The following TTLL11 variants were observed in gnomAD, a reference collection of about 807,000 sequenced individuals.
The protein encoded by TTLL11 is tubulin polyglutamylase TTLL11.
A neutral mutation model predicts 51.7 loss-of-function variants in TTLL11; 42 were observed. The observed-to-expected ratio is 0.81, with a 90% CI of 0.64 to 1.05. The LOEUF is 1.05. Ranked by LOEUF, TTLL11 falls within the 50% of genes least tolerant of loss-of-function variation. The pLI is 0.00. For missense variants in TTLL11, 799 were observed against 940.4 expected (o/e 0.85, Z 1.97); for synonymous variants, 381 against 383.5 (o/e 0.99, Z 0.08).
chr9:122,057,691 T>C (rs1264073455), intron 1 of TTLL11, among the ~76,000 whole-genome samples: 1 of 152,202 alleles, frequency 6.6e-6, no homozygotes, highest in African/African-American at 2.4e-5. Flanking sequence ...GGAAAGGCCC[T>C]GAGCTTCTCT....
intron 8 of TTLL11, among the ~76,000 whole-genome samples, chr9:121,852,736 G>A (rs1837700576): frequency 1.3e-5 from 2 of 152,184 alleles, no homozygotes; most frequent in African/African-American, 2.4e-5. Flanking sequence ...CTGGGTGAGC[G>A]AGGGGGAGGT....
chr9:121,923,956 T>G (rs10985451), intron 6 of TTLL11, among the ~76,000 whole-genome samples: 126,400 of 152,074 alleles, frequency 0.83, 53,748 homozygotes, highest in Non-Finnish European at 0.93. Context: ...GAATCATGGC[T>G]GCCATATCTT....
At chr9:121,969,189 A>G (rs1842491874) in intron 6 of TTLL11, among the ~76,000 whole-genome samples, 1 of 152,196 alleles carries the variant, frequency 6.6e-6, no homozygotes, top group Non-Finnish European at 1.5e-5. Context: ...TTATTTGAAC[A>G]TCATTATCCC....
chr9:122,078,631 T>C (rs922637411), intron 1 of TTLL11, among the ~76,000 whole-genome samples: 1 of 152,202 alleles, frequency 6.6e-6, no homozygotes, highest in Non-Finnish European at 1.5e-5. Flanking sequence ...ATTATGTACT[T>C]GGCACTTTAC....
intron 8 of TTLL11, among the ~76,000 whole-genome samples, chr9:121,852,487 C>A (rs1011779557): frequency 2.0e-5 from 3 of 152,070 alleles, no homozygotes; most frequent in African/African-American, 7.2e-5. Flanking sequence ...GGATGGTGGG[C>A]AACAAGTGTA....
At chr9:121,909,374 G>A (rs1427984602) in intron 6 of TTLL11, among the ~76,000 whole-genome samples, 1 of 152,034 alleles carries the variant, frequency 6.6e-6, no homozygotes, top group African/African-American at 2.4e-5. Flanking sequence ...GGAACATCTG[G>A]AGTCTACTGT....
intron 6 of TTLL11, among the ~76,000 whole-genome samples, chr9:121,961,703 T>A (rs1395609693): frequency 6.6e-6 from 1 of 152,178 alleles, no homozygotes; most frequent in Admixed American, 6.5e-5. Context: ...CAGTCATTGA[T>A]GAAAATGATG....
In TTLL11 at chr9:121,995,482, C is replaced by T. The variant is rs1405805307; in HGVS notation, c.694-5712G>A. ...GAGGTAGAATCAGGGCACCTGGTGA[C>T]TGGACAGATGTGAAAGGCGAGAGAG... On this transcript the variant is annotated intron_variant, in intron 3 of 8. Coordinates refer to ENST00000321582, the MANE Select transcript of TTLL11 (RefSeq NM_001139442.2). The surrounding 1 kb of genome is among the most constrained non-coding windows in gnomAD (Gnocchi z 4.4). Among the ~76,000 whole-genome samples, 5 of 152,226 alleles carry T rather than the reference C, an allele frequency of 3.3e-5. 1 individual carries two copies. The highest frequency in any genetic ancestry group is 9.6e-5 in the African/African-American group (4 of 41,528).
intron 6 of TTLL11, among the ~76,000 whole-genome samples, chr9:121,923,752 T>G (rs887256922): frequency 1.4e-4 from 22 of 152,240 alleles, no homozygotes; most frequent in African/African-American, 5.3e-4. Context: ...AACATCACAC[T>G]GACTCTCTTT....
At chr9:121,824,127 A>C (rs901469100) in intron 8 of TTLL11, among the ~76,000 whole-genome samples, 1 of 152,240 alleles carries the variant, frequency 6.6e-6, no homozygotes, top group Non-Finnish European at 1.5e-5. Context: ...CAACAGTGCC[A>C]CTAATTCTCA....
intron 6 of TTLL11, among the ~76,000 whole-genome samples, chr9:121,883,297 G>T (rs1838869782): frequency 6.6e-6 from 1 of 152,200 alleles, no homozygotes. Context: ...CTCTCCAGAG[G>T]TGTTGAGGGA....
intron 1 of TTLL11, among the ~76,000 whole-genome samples, chr9:122,090,427 C>G (rs1164313098): frequency 3.3e-5 from 5 of 152,156 alleles, no homozygotes; most frequent in African/African-American, 1.2e-4. Flanking sequence ...ACGCTATGAT[C>G]CGGCCATACT....
At chr9:122,004,524 T>A (rs1280802487) in intron 3 of TTLL11, among the ~76,000 whole-genome samples, 1 of 149,720 alleles carries the variant, frequency 6.7e-6, no homozygotes, top group East Asian at 1.9e-4. Context: ...TAATTTTGTA[T>A]TTTTTTTTAG....
chr9:121,983,084 G>A (rs1301075444), intron 4 of TTLL11, among the ~76,000 whole-genome samples: 3 of 152,204 alleles, frequency 2.0e-5, no homozygotes, highest in Non-Finnish European at 4.4e-5. Context: ...AGACTGGGAT[G>A]GCAACAGTGG....
rs867877899 is a variant in TTLL11, at chr9:122,007,003, A to C, written c.694-17233T>G. Among the ~76,000 whole-genome samples, 314 of 149,400 alleles carry C rather than the reference A, an allele frequency of 2.1e-3. 5 individuals are homozygous for C. The highest frequency in any genetic ancestry group is 7.2e-3 in the African/African-American group (285 of 39,758). ...TGTCAAAAAAAAAAAAAAAAAAAAA[A>C]AAAAAACTTTTCCTTATTTTTCTGC... On this transcript the variant is annotated intron_variant, in intron 3 of 8. Coordinates refer to ENST00000321582, the MANE Select transcript of TTLL11 (RefSeq NM_001139442.2).
At chr9:121,855,222 C>T (rs7031693) in intron 8 of TTLL11, among the ~76,000 whole-genome samples, 2,475 of 152,150 alleles carry the variant, frequency 0.016, 75 homozygotes, top group African/African-American at 0.056. Context: ...GTAGGTTATG[C>T]GTGGATCATG....
At chr9:121,826,153 A>AATAT (rs10562547) in intron 8 of TTLL11, among the ~76,000 whole-genome samples, 1,460 of 70,878 alleles carry the variant, frequency 0.021, 73 homozygotes, top group East Asian at 0.1. Context: ...ATCAAAGTAG[A>AATAT]ATATATATAT....
chr9:121,981,129 T>G (rs921217040), intron 4 of TTLL11, among the ~76,000 whole-genome samples: 1 of 138,196 alleles, frequency 7.2e-6, no homozygotes, highest in Non-Finnish European at 1.6e-5. Flanking sequence ...CATTATTTCT[T>G]CAAAAGTTTT....
In TTLL11 at chr9:121,995,821, T is replaced by C. The variant is rs534281045; in HGVS notation, c.694-6051A>G. Among the ~76,000 whole-genome samples the C allele has an allele frequency of 2.0e-5, 3 of 152,194 alleles. No individual in the cohort carries two copies. Among genetic ancestry groups the C allele is most frequent in the Non-Finnish European group, 4.4e-5 (3 of 68,036 alleles). On this transcript the variant is annotated intron_variant, in intron 3 of 8. Transcript: ENST00000321582. This position sits in a 1 kb window ranked among gnomAD's most constrained non-coding sequence, Gnocchi z 4.4. Reference sequence around the variant, plus strand: ...CAAGCTTGGAAAGAATAAGAGCTGCTGTCCGACAGGGATGAGACTCAGACT... The same window carrying C: ...CAAGCTTGGAAAGAATAAGAGCTGCCGTCCGACAGGGATGAGACTCAGACT...
Sources: gnomAD v4.1 joint callset for allele counts (sites outside exome capture counted in the v4.1 genomes callset) on GRCh38, gnomAD v4.1.1 for gene constraint, Gnocchi (gnomAD v3.1) non-coding constraint, MANE v1.5 for transcripts, NCBI Gene and HGNC (gene_info 2026-07-23, HGNC 2026-07-21) for gene names.